Variants in PTPRT observed in about 807,000 individuals in gnomAD.
The protein encoded by PTPRT is receptor-type tyrosine-protein phosphatase T.
A neutral mutation model predicts 176.8 loss-of-function variants in PTPRT; 56 were observed. That is an observed-to-expected ratio of 0.32 (90% CI 0.26 to 0.40). The LOEUF (loss-of-function observed/expected upper bound fraction) is 0.40. Ranked by LOEUF, PTPRT falls within the 10% of genes least tolerant of loss-of-function variation. The pLI, the probability that PTPRT is intolerant of heterozygous loss-of-function variation, is 1.00. For synonymous variants in PTPRT, 783 were observed against 739.0 expected, an observed-to-expected ratio of 1.06 and a Z score of -0.96; for missense variants, 1,540 against 1,908.2, an observed-to-expected ratio of 0.81 and a Z score of 3.60.
At chr20:42,253,018 G>A (rs539045748) in intron 13 of PTPRT, among the ~76,000 whole-genome samples, 3 of 152,316 alleles carry the variant, frequency 2.0e-5, no homozygotes, top group African/African-American at 7.2e-5. Flanking sequence ...GGATATTTGT[G>A]CCTCTGTTCA....
intron 6 of PTPRT, among the ~76,000 whole-genome samples, chr20:42,698,318 C>T (rs2075915902): frequency 1.3e-5 from 2 of 152,104 alleles, no homozygotes; most frequent in Non-Finnish European, 2.9e-5. Flanking sequence ...TAAACTGGGC[C>T]TCTCTAAGAA....
At chr20:42,753,625 A>C (rs890068387) in intron 6 of PTPRT, among the ~76,000 whole-genome samples, 2 of 152,144 alleles carry the variant, frequency 1.3e-5, no homozygotes, top group East Asian at 3.9e-4. Context: ...GCTTCAGAGC[A>C]GTGGTAGCTG....
At chr20:42,796,450 C>A (rs6093736) in intron 2 of PTPRT, among the ~76,000 whole-genome samples, 2 of 152,164 alleles carry the variant, frequency 1.3e-5, no homozygotes, top group Admixed American at 1.3e-4. Context: ...CTAACCCAAC[C>A]TACTCATTTT....
At chr20:42,801,109 A>G (rs1297661361) in intron 2 of PTPRT, among the ~76,000 whole-genome samples, 1 of 152,150 alleles carries the variant, frequency 6.6e-6, no homozygotes, top group Non-Finnish European at 1.5e-5. Context: ...AGAAGCTAAG[A>G]GTTACTCTGA....
intron 15 of PTPRT, among the ~76,000 whole-genome samples, chr20:42,224,799 A>T (rs1388930269): frequency 6.6e-6 from 1 of 152,240 alleles, no homozygotes; most frequent in Non-Finnish European, 1.5e-5. Flanking sequence ...CTGTTCCCAG[A>T]AAGGCAACAT....
intron 6 of PTPRT, among the ~76,000 whole-genome samples, 188 bp from the exon 7 acceptor site, chr20:42,678,347 C>T (rs900493068): frequency 6.6e-6 from 1 of 152,188 alleles, no homozygotes; most frequent in Admixed American, 6.5e-5. Context: ...GTCATTCAGG[C>T]TGGAGTGCAG....
chr20:42,177,815 C>T (rs2146572514), intron 16 of PTPRT, among the ~76,000 whole-genome samples: 1 of 152,108 alleles, frequency 6.6e-6, no homozygotes. Flanking sequence ...TGGTAAAGAT[C>T]TTTCTGTCTG....
intron 16 of PTPRT, among the ~76,000 whole-genome samples, chr20:42,178,430 T>C (rs1034738745): frequency 2.6e-5 from 4 of 152,198 alleles, no homozygotes; most frequent in Non-Finnish European, 4.4e-5. Context: ...ATTCCTATCT[T>C]CTTGTCTATT....
In PTPRT at chr20:42,648,766, A is replaced by G. The variant is rs60831660; in HGVS notation, c.1153+29100T>C. On this transcript the variant is annotated intron_variant, in intron 7 of 30. Transcript: ENST00000373187. ...ATTCTCATGTTACTGATAAAGACATACCTAAGAGTGGGTAATTTCTAAAGG... is the reference window on the plus strand; with the variant it reads ...ATTCTCATGTTACTGATAAAGACATGCCTAAGAGTGGGTAATTTCTAAAGG... 7.2e-3 allele frequency among the ~76,000 whole-genome samples: 1,067 copies of G among 148,750 alleles called. 17 individuals carry two copies. Among genetic ancestry groups the G allele is most frequent in the African/African-American group, 0.026 (1,017 of 39,654 alleles).
intron 7 of PTPRT, among the ~76,000 whole-genome samples, chr20:42,582,641 C>G (rs2145729087): frequency 6.6e-6 from 1 of 152,314 alleles, no homozygotes; most frequent in South Asian, 2.1e-4. Context: ...TCCCCAAACT[C>G]TGGCAACTGT....
chr20:42,050,739 C>A, the PTPRT span, among the ~76,000 whole-genome samples: 1 of 152,202 alleles, frequency 6.6e-6, no homozygotes, highest in Non-Finnish European at 1.5e-5. Context: ...AGAAGAGGTC[C>A]TGAATCACGG....
intron 19 of PTPRT, among the ~76,000 whole-genome samples, chr20:42,122,108 T>TA (rs1378132799): frequency 6.6e-6 from 1 of 152,190 alleles, no homozygotes; most frequent in Non-Finnish European, 1.5e-5. Context: ...TAAAAGCCTA[T>TA]ACTTCACCAC....
Position 42,627,755 on chromosome 20 carries a change from A to AT in PTPRT, c.1153+50110dup, listed in dbSNP as rs931660634. Among the ~76,000 whole-genome samples the AT allele has an allele frequency of 3.3e-4, 50 of 150,034 alleles. 1 individual carries two copies. The highest frequency in any genetic ancestry group is 3.9e-4 in the East Asian group (2 of 5,110). ...AGTAGTTTTATTTCCTGTCTTTCGT[A>AT]TTTTTTTTTTAAAAAAAGCTTCTCC... On this transcript the variant is annotated intron_variant, in intron 7 of 30. Transcript: ENST00000373187.
chr20:42,168,838 A>C (rs1267605601), intron 16 of PTPRT, among the ~76,000 whole-genome samples: 1 of 152,112 alleles, frequency 6.6e-6, no homozygotes, highest in East Asian at 1.9e-4. Flanking sequence ...GAGATTTGTG[A>C]CCCCTGAGGA....
At chr20:43,066,318 G>A (rs2011111805) in intron 1 of PTPRT, among the ~76,000 whole-genome samples, 1 of 152,096 alleles carries the variant, frequency 6.6e-6, no homozygotes, top group African/African-American at 2.4e-5. Context: ...GTCACCTACG[G>A]GAGCACTTCT....
At chr20:43,101,689 G>C (rs1262072859) in intron 1 of PTPRT, among the ~76,000 whole-genome samples, 26 of 152,168 alleles carry the variant, frequency 1.7e-4, no homozygotes, top group Admixed American at 1.6e-3. Flanking sequence ...TAGTGGGAGG[G>C]AGACGGCACA....
At chr20:42,564,363 A>C (rs1332443496) in intron 7 of PTPRT, among the ~76,000 whole-genome samples, 1 of 152,232 alleles carries the variant, frequency 6.6e-6, no homozygotes, top group African/African-American at 2.4e-5. Flanking sequence ...CCAGCCTTCC[A>C]TATTTGCAGG....
chr20:42,334,486 T>C (rs187247725), intron 11 of PTPRT, among the ~76,000 whole-genome samples: 13 of 152,314 alleles, frequency 8.5e-5, no homozygotes, highest in Non-Finnish European at 2.9e-5. Context: ...AGCCAAGACA[T>C]GCAAATCAAA....
Position 42,079,109 on chromosome 20 carries a change from G to A in PTPRT, c.*1770C>T, listed in dbSNP as rs765981914. 19 of 188,004 alleles carry A rather than the reference G, an allele frequency of 1.0e-4. No individual in the cohort carries two copies. Among genetic ancestry groups the A allele is most frequent in the Non-Finnish European group, 1.5e-4 (13 of 89,162 alleles). The allele number at this position is 188,004 out of a possible 1,614,324, so 11.6% of individuals were successfully genotyped here. ...TAAGCACTGGCTAGAGATCAAGGTC[G>A]AGAGTTTCCCTGGCTGGTCCATTCA... On this transcript the variant is annotated 3_prime_UTR_variant, in exon 31 of 31. Transcript: ENST00000373187.
Sources: gnomAD v4.1 joint callset for allele counts (sites outside exome capture counted in the v4.1 genomes callset) on GRCh38, gnomAD v4.1.1 for gene constraint, MANE v1.5 for transcripts, NCBI Gene and HGNC (gene_info 2026-07-23, HGNC 2026-07-21) for gene names.